PITPNM2: variants seen among roughly 807,000 people sequenced by gnomAD.
PITPNM2 encodes the protein phosphatidylinositol transfer protein membrane associated 2.
Under a neutral mutation model 132.2 loss-of-function variants are expected in PITPNM2, and 35 were observed. That is an observed-to-expected ratio of 0.26 (90% confidence interval 0.20 to 0.35). The LOEUF (loss-of-function observed/expected upper bound fraction) is 0.35, where lower values mean the gene tolerates loss of function less well. Among genes scored for constraint, PITPNM2 ranks in the 10% least tolerant of loss-of-function variants. The probability of loss-of-function intolerance (pLI) is 1.00; values close to 1 mark genes in which losing one functional copy is unlikely to be tolerated. For synonymous variants in PITPNM2, 738 were observed against 799.2 expected, an observed-to-expected ratio of 0.92 and a Z score of 1.29; for missense variants, 1,332 against 1,912.0, an observed-to-expected ratio of 0.70 and a Z score of 5.66.
At chr12:123,067,285 G>A (rs570455238) in intron 2 of PITPNM2, among the ~76,000 whole-genome samples, 5 of 152,174 alleles carry the variant, frequency 3.3e-5, no homozygotes, top group South Asian at 4.1e-4. Flanking sequence ...GTGAAACCCC[G>A]TCTCTACCAA....
At position 123,031,697 on chromosome 12, in the gene PITPNM2, C is replaced by A. The variant is rs1373249082; in HGVS notation, c.78+2816G>T. 6.6e-6 allele frequency among the ~76,000 whole-genome samples: 1 copy of A among 152,216 alleles called. No homozygotes were observed. Among genetic ancestry groups the A allele is most frequent in the East Asian group, 1.9e-4 (1 of 5,204 alleles). ...GAGCTGCCCAGCCAGCCAGCCTGAG[C>A]AGGAACACCAACAGCCTTGCCCCCA... On this transcript the variant is annotated intron_variant, in intron 3 of 25. Coordinates refer to ENST00000320201, the MANE Select transcript of PITPNM2 (RefSeq NM_020845.3). The surrounding 1 kb of genome is among the most constrained non-coding windows in gnomAD (Gnocchi z 4.5).
Position 122,986,317 on chromosome 12 carries a change from G to T in PITPNM2, c.3760C>A (p.Gln1254Lys). 6.3e-7 allele frequency: 1 copy of T among 1,581,500 alleles called. No homozygotes were observed. The change falls in exon 26 of 26, where the codon CAG (glutamine) becomes AAG (lysine). Residue 1254 changes from glutamine (Q) to lysine (K), a missense_variant. By Grantham distance (53) the Gln-to-Lys change is moderately conservative. Transcript: ENST00000320201. ...ITDGYAAHLAQLKYSHRARPA... is the reference protein window; with the variant it reads ...ITDGYAAHLAKLKYSHRARPA... ...CGCGCCCGGTGGCTGTACTTCAGCT[G>T]CGCCAGGTGGGCCGCGTAGCCATCC...
At chr12:123,115,806 C>G (rs1413220801) in intron 1 of PITPNM2, among the ~76,000 whole-genome samples, 1 of 152,168 alleles carries the variant, frequency 6.6e-6, no homozygotes, top group African/African-American at 2.4e-5. Context: ...TTGTGCAGCA[C>G]AGAATAACAG....
rs369099428 is a variant in PITPNM2, at chr12:122,994,535, G to A, written c.2233+266C>T. On this transcript the variant is annotated intron_variant, in intron 15 of 25. Coordinates refer to ENST00000320201, the MANE Select transcript of PITPNM2 (RefSeq NM_020845.3). This position sits in a 1 kb window ranked among gnomAD's most constrained non-coding sequence, Gnocchi z 5.4. ...TCTGGGGTGGTGCCTTCTCTCCCTG[G>A]ACCTCAGCTTGCCCATCTAGGGGTT... 1.3e-5 allele frequency among the ~76,000 whole-genome samples: 2 copies of A among 152,164 alleles called. No individual in the cohort carries two copies. The highest frequency in any genetic ancestry group is 6.5e-5 in the Admixed American group (1 of 15,284).
rs2038447432 is a variant in PITPNM2 at position 122,996,745 on chromosome 12, C to T, written c.1638G>A (p.Gln546=). ...CCTGCCCATTGAAGGTCATGCCCTC[C>T]TGGGACTTGATGAAGTCCCCATAGG... ...NLAYGDFIKS[Q]EGMTFNGQVC... is the part of the protein sequence containing the mutation. The change falls in exon 12 of 26, where the codon CAG becomes CAA. Residue 546 remains glutamine (Q), a synonymous_variant. Transcript: ENST00000320201. 6.2e-7 allele frequency: 1 copy of T among 1,612,166 alleles called. No individual in the cohort carries two copies. The highest frequency in any genetic ancestry group is 8.5e-7 in the Non-Finnish European group (1 of 1,179,516).
intron 2 of PITPNM2, among the ~76,000 whole-genome samples, chr12:123,037,655 C>A (rs2040321907): frequency 1.3e-5 from 2 of 152,190 alleles, no homozygotes; most frequent in Non-Finnish European, 2.9e-5. Context: ...GCGTACATGA[C>A]CTGCCCTGCT....
chr12:123,100,336 T>C (rs2042531327), intron 2 of PITPNM2, among the ~76,000 whole-genome samples: 1 of 152,156 alleles, frequency 6.6e-6, no homozygotes, highest in Non-Finnish European at 1.5e-5. Flanking sequence ...AATAAAAACT[T>C]GTACACAAGC....
intron 3 of PITPNM2, among the ~76,000 whole-genome samples, chr12:123,029,706 G>A (rs533010038): frequency 4.9e-4 from 75 of 151,662 alleles, no homozygotes; most frequent in Admixed American, 1.2e-3. Context: ...TGCATGTTGT[G>A]TGTGCATGCA....
rs149702620 is a variant in PITPNM2 at position 122,993,393 on chromosome 12, G to T, written c.2234-724C>A. The stretch of plus-strand genomic sequence containing the variant: ...AAGGAGATCACGTGAATGCAAGGTT[G>T]TGTTAATTATTAGTGCTGTATCTCA... On this transcript the variant is annotated intron_variant, in intron 15 of 25. Coordinates refer to ENST00000320201, the MANE Select transcript of PITPNM2 (RefSeq NM_020845.3). The surrounding 1 kb of genome is among the most constrained non-coding windows in gnomAD (Gnocchi z 5.2). Among the ~76,000 whole-genome samples the T allele has an allele frequency of 1.3e-5, 2 of 152,336 alleles. No homozygotes were observed. Among genetic ancestry groups the T allele is most frequent in the Non-Finnish European group, 2.9e-5 (2 of 68,042 alleles).
At position 122,985,733 on chromosome 12, in the gene PITPNM2, A is replaced by C; in HGVS notation, c.*294T>G. On this transcript the variant is annotated 3_prime_UTR_variant, in exon 26 of 26. Coordinates refer to ENST00000320201, the MANE Select transcript of PITPNM2 (RefSeq NM_020845.3). ...CTGGCACCAGGACACTTGGAGATCCACACAGGGCAAAATGTCTGGGAGAAC... is the reference window on the plus strand; with the variant it reads ...CTGGCACCAGGACACTTGGAGATCCCCACAGGGCAAAATGTCTGGGAGAAC... 3.0e-6 allele frequency: 1 copy of C among 332,280 alleles called. No homozygotes were observed. Among genetic ancestry groups the C allele is most frequent in the Non-Finnish European group, 5.4e-6 (1 of 183,984 alleles). 20.6% of individuals were successfully genotyped at this position (332,280 alleles called of 1,614,324 possible).
Position 122,992,447 on chromosome 12 carries a change from C to T in PITPNM2, c.2404+52G>A. The T allele has an allele frequency of 6.4e-7, 1 of 1,551,168 alleles. No individual in the cohort carries two copies. The highest frequency in any genetic ancestry group is 1.2e-5 in the South Asian group (1 of 83,204). On this transcript the variant is annotated intron_variant, in intron 16 of 25. Coordinates refer to ENST00000320201, the MANE Select transcript of PITPNM2 (RefSeq NM_020845.3). The surrounding 1 kb of genome is among the most constrained non-coding windows in gnomAD (Gnocchi z 6.5). ...CATGGAGGACCTAGGAGCCAGGGAG[C>T]CACGCTTACCCCACCTTCCCCCAGA...
chr12:123,002,905 A>T (rs60442043), intron 8 of PITPNM2, among the ~76,000 whole-genome samples: 7 of 151,958 alleles, frequency 4.6e-5, no homozygotes, highest in Non-Finnish European at 7.4e-5. Context: ...GTTTAAAAAA[A>T]TTTTTTTATT....
rs756882558 is a variant in PITPNM2, at chr12:123,004,972, C to T, written c.952+268G>A. 1.3e-5 allele frequency among the ~76,000 whole-genome samples: 2 copies of T among 152,164 alleles called. No homozygotes were observed. The highest frequency in any genetic ancestry group is 6.5e-5 in the Admixed American group (1 of 15,288). ...CCATCAGGAGGGGTGGCCCCTCCAC[C>T]GCGCTGCAGGAGCCCAGCCACCTCC... On this transcript the variant is annotated intron_variant, in intron 7 of 25. Coordinates refer to ENST00000320201, the MANE Select transcript of PITPNM2 (RefSeq NM_020845.3). The surrounding 1 kb of genome is among the most constrained non-coding windows in gnomAD (Gnocchi z 4.9).
chr12:123,118,093 C>T (rs1222487589), intron 1 of PITPNM2, among the ~76,000 whole-genome samples: 2 of 152,206 alleles, frequency 1.3e-5, no homozygotes, highest in African/African-American at 4.8e-5. Context: ...GGGGATAAGC[C>T]TTTATTGTGA....
At chr12:123,139,651 T>G (rs111413756) in intron 1 of PITPNM2, among the ~76,000 whole-genome samples, 1 of 152,204 alleles carries the variant, frequency 6.6e-6, no homozygotes, top group Admixed American at 6.5e-5. Flanking sequence ...ATCTACTGCA[T>G]TTTCTCTCTG....
chr12:123,030,805 G>A (rs1255001507), intron 3 of PITPNM2, among the ~76,000 whole-genome samples: 1 of 152,174 alleles, frequency 6.6e-6, no homozygotes, highest in Non-Finnish European at 1.5e-5. Flanking sequence ...ATATGATTCA[G>A]CCATAAAACG....
chr12:123,112,111 G>A (rs2042851017), intron 1 of PITPNM2, among the ~76,000 whole-genome samples: 1 of 152,180 alleles, frequency 6.6e-6, no homozygotes, highest in Admixed American at 6.5e-5. Flanking sequence ...AACGCAAAGA[G>A]AGGCACTGCA....
chr12:123,048,970 C>CA (rs2040767754), intron 2 of PITPNM2, among the ~76,000 whole-genome samples: 1 of 151,986 alleles, frequency 6.6e-6, no homozygotes, highest in African/African-American at 2.4e-5. Flanking sequence ...CCCATTTCTA[C>CA]AAAAAATAAT....
At chr12:123,079,279 G>A (rs2041880924) in intron 2 of PITPNM2, among the ~76,000 whole-genome samples, 2 of 150,024 alleles carry the variant, frequency 1.3e-5, no homozygotes, top group Admixed American at 6.6e-5. Context: ...AGACATCTAA[G>A]TTGGGGCACA....
Sources: gnomAD v4.1 joint callset for allele counts (sites outside exome capture counted in the v4.1 genomes callset) on GRCh38, gnomAD v4.1.1 for gene constraint, Gnocchi (gnomAD v3.1) non-coding constraint, MANE v1.5 for transcripts, NCBI Gene and HGNC (gene_info 2026-07-23, HGNC 2026-07-21) for gene names.